The following GUCY1A2 variants were observed in gnomAD, a reference collection of about 807,000 sequenced individuals.
GUCY1A2 encodes the protein guanylate cyclase 1 soluble subunit alpha 2.
GUCY1A2 carries 27 observed loss-of-function variants against 63.5 expected under a neutral mutation model. The observed-to-expected ratio is 0.43, with a 90% CI of 0.31 to 0.59. The LOEUF is 0.59. Ranked by LOEUF, GUCY1A2 falls within the 20% of genes least tolerant of loss-of-function variation. The pLI is 0.11. For missense variants in GUCY1A2, 768 were observed against 913.3 expected (o/e 0.84, Z 2.05); for synonymous variants, 364 against 343.5 (o/e 1.06, Z -0.66).
At chr11:106,976,962 C>G (rs1469241985) in intron 3 of GUCY1A2, among the ~76,000 whole-genome samples, 2 of 151,854 alleles carry the variant, frequency 1.3e-5, no homozygotes, top group South Asian at 4.1e-4. Flanking sequence ...GGTTTCTCTC[C>G]GTGGGAATTG....
chr11:106,860,321 G>T (rs1006335006), intron 4 of GUCY1A2, among the ~76,000 whole-genome samples: 8 of 150,408 alleles, frequency 5.3e-5, no homozygotes, highest in African/African-American at 1.9e-4. Flanking sequence ...GCTTGCAGGG[G>T]AAAAAAGGAA....
Position 106,709,613 on chromosome 11 carries a change from A to ATATACGTGTATATAATATATAGTTATAT in GUCY1A2, c.1837-948_1837-947insATATAACTATATATTATATACACGTATA, listed in dbSNP as rs1863032186. Among the ~76,000 whole-genome samples, 2 of 83,870 alleles carry ATATACGTGTATATAATATATAGTTATAT rather than the reference A, an allele frequency of 2.4e-5. 1 individual carries two copies. Among genetic ancestry groups the ATATACGTGTATATAATATATAGTTATAT allele is most frequent in the African/African-American group, 7.8e-5 (2 of 25,798 alleles). The allele number at this position is 83,870 out of a possible 152,430, so 55.0% of individuals were successfully genotyped here. A position where few individuals can be genotyped will look rare whatever the true frequency, so the allele number is the denominator to read the frequency against. On this transcript the variant is annotated intron_variant, in intron 6 of 7. Transcript: ENST00000526355. Reference sequence around the variant, plus strand: ...TATATATAATATATAGTTATATATTATATACGTGTATATATTATATACACG... The same window carrying ATATACGTGTATATAATATATAGTTATAT: ...TATATATAATATATAGTTATATATTATATACGTGTATATAATATATAGTTATATTATACGTGTATATATTATATACACG...
intron 4 of GUCY1A2, among the ~76,000 whole-genome samples, chr11:106,933,920 A>T (rs912189598): frequency 2.0e-5 from 3 of 152,170 alleles, no homozygotes; most frequent in African/African-American, 7.2e-5. Flanking sequence ...ATGGACATAA[A>T]GATGGCAACA....
At chr11:106,868,507 T>A (rs542092973) in intron 4 of GUCY1A2, among the ~76,000 whole-genome samples, 4 of 152,134 alleles carry the variant, frequency 2.6e-5, no homozygotes, top group Non-Finnish European at 4.4e-5. Flanking sequence ...CCATTCACAA[T>A]TGCTTCAAAG....
intron 1 of GUCY1A2, among the ~76,000 whole-genome samples, chr11:107,011,545 T>C (rs1259581130): frequency 1.4e-5 from 2 of 146,642 alleles, no homozygotes; most frequent in African/African-American, 5.0e-5. Flanking sequence ...ATATTAAATA[T>C]ATAAATATAT....
chr11:106,948,577 A>T (rs1230099673), intron 3 of GUCY1A2, among the ~76,000 whole-genome samples: 1 of 152,194 alleles, frequency 6.6e-6, no homozygotes, highest in Non-Finnish European at 1.5e-5. Context: ...ATAGCAAAAT[A>T]CTAAAAACAT....
chr11:106,787,523 A>G (rs1372734872), intron 5 of GUCY1A2, among the ~76,000 whole-genome samples: 1 of 9,912 alleles, frequency 1.0e-4, no homozygotes, highest in Non-Finnish European at 2.0e-4. Context: ...GGAAAGAGAG[A>G]AAGGGAGAGA....
At chr11:106,956,203 G>C (rs1860982035) in intron 3 of GUCY1A2, among the ~76,000 whole-genome samples, 1 of 151,752 alleles carries the variant, frequency 6.6e-6, no homozygotes, top group Admixed American at 6.6e-5. Context: ...AAGTTTCTTA[G>C]CTTCGTTGCA....
At chr11:106,947,218 C>T (rs75715202) in intron 3 of GUCY1A2, among the ~76,000 whole-genome samples, 1 of 113,190 alleles carries the variant, frequency 8.8e-6, no homozygotes, top group Non-Finnish European at 1.9e-5. Context: ...CTCCATCTCA[C>T]AAAAAAAAAA....
intron 4 of GUCY1A2, among the ~76,000 whole-genome samples, chr11:106,886,671 A>G (rs1859904738): frequency 6.6e-6 from 1 of 152,320 alleles, no homozygotes; most frequent in East Asian, 1.9e-4. Context: ...ATAAAACAAA[A>G]ACAAAATAAA....
rs1565361869 is a variant in GUCY1A2 at position 107,017,894 on chromosome 11, G to GCAGCTGCGGCCGCC, written c.161_162insGGCGGCCGCAGCTG (p.Pro59AlafsTer44). ...GGGTCGGGGCCGGGGCGGCGGCAGC[G>GCAGCTGCGGCCGCC]GCAGCTGCGGCCGGGCTGGGCTCCA... On this transcript the variant is annotated frameshift_variant, in exon 1 of 8. Coordinates refer to ENST00000526355, the MANE Select transcript of GUCY1A2 (RefSeq NM_000855.3). LOFTEE classifies it high-confidence loss of function. 8.0e-7 allele frequency: 1 copy of GCAGCTGCGGCCGCC among 1,247,168 alleles called. No homozygotes were observed. The highest frequency in any genetic ancestry group is 1.6e-5 in the African/African-American group (1 of 63,804). The allele number at this position is 1,247,168 out of a possible 1,614,324, so 77.3% of individuals were successfully genotyped here. A position where few individuals can be genotyped will look rare whatever the true frequency, so the allele number is the denominator to read the frequency against.
chr11:106,835,554 A>G (rs1859105342), intron 4 of GUCY1A2, among the ~76,000 whole-genome samples: 1 of 151,812 alleles, frequency 6.6e-6, no homozygotes, highest in African/African-American at 2.4e-5. Flanking sequence ...GAAGTAATGA[A>G]AAATATGAAC....
rs557132680 is a variant in GUCY1A2 at position 106,719,636 on chromosome 11, A to G, written c.1837-10970T>C. Among the ~76,000 whole-genome samples, 27 of 152,334 alleles carry G rather than the reference A, an allele frequency of 1.8e-4. No homozygotes were observed. The South Asian group carries it at 5.4e-3, about 30-fold the overall frequency. On this transcript the variant is annotated intron_variant, in intron 6 of 7. Transcript: ENST00000526355. Reference sequence around the variant, plus strand: ...GCTGCAGAATAAAAGTACAGGAACAATATTAAACCCCTGAGTTACAATGTA... The same window carrying G: ...GCTGCAGAATAAAAGTACAGGAACAGTATTAAACCCCTGAGTTACAATGTA...
chr11:106,908,365 A>G, intron 4 of GUCY1A2, among the ~76,000 whole-genome samples: 2 of 152,044 alleles, frequency 1.3e-5, no homozygotes, highest in Middle Eastern at 6.8e-3. Flanking sequence ...TTTATGTAGA[A>G]TAGAGATCTT....
intron 4 of GUCY1A2, among the ~76,000 whole-genome samples, chr11:106,860,883 C>T (rs953822175): frequency 6.6e-6 from 1 of 151,978 alleles, no homozygotes; most frequent in African/African-American, 2.4e-5. Context: ...ATACCCATCC[C>T]AACCCTCATT....
intron 6 of GUCY1A2, among the ~76,000 whole-genome samples, chr11:106,759,760 C>A (rs150187319): frequency 6.6e-6 from 1 of 152,120 alleles, no homozygotes; most frequent in African/African-American, 2.4e-5. Context: ...GTGGCGAAAC[C>A]CTGTTTCTAC....
At position 106,934,566 on chromosome 11, in the gene GUCY1A2, T is replaced by G. The variant is rs1019346860; in HGVS notation, c.1206+4894A>C. 2.6e-5 allele frequency among the ~76,000 whole-genome samples: 4 copies of G among 152,214 alleles called. No homozygotes were observed. The East Asian group carries it at 5.8e-4, about 22-fold the overall frequency. On this transcript the variant is annotated intron_variant, in intron 4 of 7. Transcript: ENST00000526355. ...AAAGATAAGAGAGTATTCTGAAAAC[T>G]GATTTGGCCACAGAAAACCAGACAT...
At chr11:106,778,476 G>A (rs536446520) in intron 5 of GUCY1A2, among the ~76,000 whole-genome samples, 6 of 152,080 alleles carry the variant, frequency 3.9e-5, no homozygotes, top group South Asian at 4.2e-4. Flanking sequence ...TGGCTAACAC[G>A]GTGAAACCCC....
intron 3 of GUCY1A2, among the ~76,000 whole-genome samples, chr11:106,963,132 T>C (rs1861081438): frequency 6.6e-6 from 1 of 152,176 alleles, no homozygotes; most frequent in Non-Finnish European, 1.5e-5. Context: ...TGATAGCACA[T>C]TGCAATATTA....
Sources: allele counts gnomAD v4.1 joint callset (sites outside exome capture counted in the v4.1 genomes callset), GRCh38; gene constraint gnomAD v4.1.1; transcripts MANE v1.5; gene names NCBI Gene and HGNC (gene_info 2026-07-23, HGNC 2026-07-21).